The following GRID1 variants were observed in gnomAD, a reference collection of about 807,000 sequenced individuals.
GRID1 encodes the protein glutamate receptor ionotropic, delta-1.
Under a neutral mutation model 98.0 loss-of-function variants are expected in GRID1, and 28 were observed. The observed-to-expected ratio is 0.29, with a 90% CI of 0.21 to 0.39. GRID1 has a LOEUF of 0.39. GRID1 is among the 10% of genes least tolerant of loss of function. The pLI is 1.00. For synonymous variants in GRID1, 553 were observed against 538.5 expected (o/e 1.03, Z -0.37); for missense variants, 1,111 against 1,340.5 (o/e 0.83, Z 2.67).
chr10:86,104,841 T>C (rs1160305334), intron 4 of GRID1, among the ~76,000 whole-genome samples: 1 of 152,142 alleles, frequency 6.6e-6, no homozygotes, highest in African/African-American at 2.4e-5. Flanking sequence ...CACTGGACCT[T>C]CATGCATGGC....
At chr10:86,160,639 C>T (rs931849376) in intron 3 of GRID1, among the ~76,000 whole-genome samples, 1 of 152,206 alleles carries the variant, frequency 6.6e-6, no homozygotes, top group African/African-American at 2.4e-5. Flanking sequence ...TCAGCAACCC[C>T]CAGTGCCATA....
intron 4 of GRID1, among the ~76,000 whole-genome samples, chr10:85,935,070 C>A (rs1304425867): frequency 6.6e-6 from 1 of 152,226 alleles, no homozygotes; most frequent in Non-Finnish European, 1.5e-5. Context: ...TACATGCTGA[C>A]CATGACGGGT....
At chr10:85,631,014 A>G (rs961705701) in intron 13 of GRID1, among the ~76,000 whole-genome samples, 7 of 152,220 alleles carry the variant, frequency 4.6e-5, no homozygotes, top group African/African-American at 1.4e-4. Context: ...ACAAATTTTA[A>G]AGGAAAGTCA....
At chr10:86,128,077 G>A (rs1444177780) in intron 4 of GRID1, among the ~76,000 whole-genome samples, 2 of 152,098 alleles carry the variant, frequency 1.3e-5, no homozygotes, top group Non-Finnish European at 2.9e-5. Flanking sequence ...TTGCTCCAAG[G>A]ACAATGCCCC....
intron 12 of GRID1, among the ~76,000 whole-genome samples, chr10:85,714,717 A>G (rs1366285860): frequency 6.6e-6 from 1 of 152,136 alleles, no homozygotes; most frequent in African/African-American, 2.4e-5. Context: ...GCTGTAAACT[A>G]TAAAACATTG....
intron 12 of GRID1, among the ~76,000 whole-genome samples, chr10:85,716,361 T>C (rs916353582): frequency 2.6e-5 from 4 of 151,696 alleles, no homozygotes; most frequent in African/African-American, 9.7e-5. Flanking sequence ...AATTGAACAA[T>C]GAGAACACAT....
intron 13 of GRID1, among the ~76,000 whole-genome samples, chr10:85,634,255 T>TCTCTCTCTCTCTCTCC (rs1843008953): frequency 1.7e-5 from 2 of 120,718 alleles, no homozygotes; most frequent in African/African-American, 7.5e-5. Context: ...GGCACCTCTC[T>TCTCTCTCTCTCTCTCC]CTCTCTCTCT....
chr10:85,877,092 C>G (rs1843341257), intron 5 of GRID1, among the ~76,000 whole-genome samples: 1 of 152,250 alleles, frequency 6.6e-6, no homozygotes, highest in Non-Finnish European at 1.5e-5. Flanking sequence ...CTTAGGTAAA[C>G]AAAGCAGCAG....
intron 4 of GRID1, among the ~76,000 whole-genome samples, chr10:85,945,596 A>G (rs891994939): frequency 6.6e-6 from 1 of 152,224 alleles, no homozygotes; most frequent in African/African-American, 2.4e-5. Context: ...CTTCAAACAC[A>G]CTAAAATTTC....
At chr10:86,067,832 A>G (rs1843741897) in intron 4 of GRID1, among the ~76,000 whole-genome samples, 1 of 152,184 alleles carries the variant, frequency 6.6e-6, no homozygotes, top group African/African-American at 2.4e-5. Flanking sequence ...AGCTCCCCTT[A>G]AGATCAGGCC....
chr10:85,737,600 A>T lies in GRID1; in HGVS notation c.1234-7986T>A, dbSNP rs565950070. Among the ~76,000 whole-genome samples the T allele has an allele frequency of 5.4e-3, 802 of 148,342 alleles. 7 individuals carry two copies. The highest frequency in any genetic ancestry group is 0.019 in the African/African-American group (747 of 40,254). On this transcript the variant is annotated intron_variant, in intron 8 of 15. Coordinates refer to ENST00000327946, the MANE Select transcript of GRID1 (RefSeq NM_017551.3). ...GCAGTTCCACTTCTGCTTAAGATAT[A>T]GAAAGGAGCGAGAGGATTTTTGAAC...
At chr10:85,761,277 T>C (rs1170362022) in intron 8 of GRID1, among the ~76,000 whole-genome samples, 4 of 152,218 alleles carry the variant, frequency 2.6e-5, no homozygotes, top group African/African-American at 7.2e-5. Flanking sequence ...CTAATGGTTT[T>C]ATCTCACGTC....
chr10:85,941,590 A>C (rs890489378), intron 4 of GRID1, among the ~76,000 whole-genome samples: 1 of 152,176 alleles, frequency 6.6e-6, no homozygotes, highest in African/African-American at 2.4e-5. Context: ...CTAGATTTGC[A>C]TTTTTATTGC....
chr10:85,686,156 C>T (rs1404110317), intron 12 of GRID1, among the ~76,000 whole-genome samples: 1 of 151,926 alleles, frequency 6.6e-6, no homozygotes, highest in Non-Finnish European at 1.5e-5. Context: ...TTATAGTGCA[C>T]AGGGAAAAAC....
At chr10:86,226,158 G>C (rs886329201) in intron 2 of GRID1, among the ~76,000 whole-genome samples, 1 of 151,948 alleles carries the variant, frequency 6.6e-6, no homozygotes, top group African/African-American at 2.4e-5. Flanking sequence ...CACGTCTCTG[G>C]ACAGGGGACC....
At chr10:86,118,139 A>C (rs1323373602) in intron 4 of GRID1, among the ~76,000 whole-genome samples, 2 of 152,216 alleles carry the variant, frequency 1.3e-5, no homozygotes, top group Non-Finnish European at 2.9e-5. Flanking sequence ...TCACCATGGA[A>C]TACTACTCAG....
chr10:85,622,235 A>G (rs1343082589), intron 13 of GRID1, among the ~76,000 whole-genome samples: 1 of 151,444 alleles, frequency 6.6e-6, no homozygotes, highest in Non-Finnish European at 1.5e-5. Context: ...TAAGCTGAGA[A>G]AGAGGGAACA....
chr10:85,741,749 C>A (rs911933410), intron 8 of GRID1, among the ~76,000 whole-genome samples: 3 of 152,068 alleles, frequency 2.0e-5, no homozygotes. Context: ...CTTTTCATGG[C>A]CTGTAAGACT....
chr10:86,286,965 C>T (rs1402659225), intron 2 of GRID1, among the ~76,000 whole-genome samples: 1 of 152,142 alleles, frequency 6.6e-6, no homozygotes, highest in African/African-American at 2.4e-5. Context: ...ACATGGCCAC[C>T]TGGTGTTGCT....
Sources: allele counts gnomAD v4.1 joint callset (sites outside exome capture counted in the v4.1 genomes callset), GRCh38; gene constraint gnomAD v4.1.1; transcripts MANE v1.5; gene names NCBI Gene and HGNC (gene_info 2026-07-23, HGNC 2026-07-21).